Variants in EYA1 observed in about 807,000 individuals in gnomAD.
EYA1 encodes EYA transcriptional coactivator and phosphatase 1.
In EYA1, 16 loss-of-function variants were observed where a neutral mutation model predicts 82.0. The ratio of observed to expected loss-of-function variants is 0.20; its 90% CI spans 0.13 to 0.30. The LOEUF (loss-of-function observed/expected upper bound fraction) is 0.30, where lower values mean the gene tolerates loss of function less well. EYA1 is among the 10% of genes least tolerant of loss of function. The pLI, the probability that EYA1 is intolerant of heterozygous loss-of-function variation, is 1.00. For synonymous variants in EYA1, 261 were observed against 264.4 expected, an observed-to-expected ratio of 0.99 and a Z score of 0.12; for missense variants, 633 against 730.7, an observed-to-expected ratio of 0.87 and a Z score of 1.54.
intron 11 of EYA1, among the ~76,000 whole-genome samples, chr8:71,253,057 T>C (rs1018185983): frequency 4.6e-5 from 7 of 152,192 alleles, no homozygotes; most frequent in Admixed American, 4.6e-4. Flanking sequence ...GTAAAGTCCC[T>C]GAAATTTTTC....
intron 17 of EYA1, among the ~76,000 whole-genome samples, chr8:71,204,667 A>G (rs2380713): frequency 0.36 from 54,959 of 152,124 alleles, 10,556 homozygotes; most frequent in East Asian, 0.77. Flanking sequence ...AAAAGCAGGT[A>G]TGAAAAAAAG....
chr8:71,276,729 T>C (rs1817221883), intron 9 of EYA1, among the ~76,000 whole-genome samples: 1 of 152,196 alleles, frequency 6.6e-6, no homozygotes, highest in African/African-American at 2.4e-5. Context: ...AAGACCCTTC[T>C]GCTTCAGCCT....
At chr8:71,286,995 T>G (rs566067181) in intron 9 of EYA1, among the ~76,000 whole-genome samples, 1 of 151,776 alleles carries the variant, frequency 6.6e-6, no homozygotes, top group African/African-American at 2.4e-5. Context: ...AGAGACAGGG[T>G]TTCATCATCT....
intron 2 of EYA1, among the ~76,000 whole-genome samples, chr8:71,485,069 A>C (rs949785563): frequency 6.6e-6 from 1 of 152,240 alleles, no homozygotes. Flanking sequence ...GGAGGATCTG[A>C]CTGACTAATG....
chr8:71,284,800 C>T (rs1209908738), intron 9 of EYA1, among the ~76,000 whole-genome samples: 1 of 152,178 alleles, frequency 6.6e-6, no homozygotes, highest in East Asian at 1.9e-4. Context: ...AAATAAATAT[C>T]CCTTCCCTAT....
Position 71,322,236 on chromosome 8 carries a change from T to C in EYA1, c.235A>G (p.Thr79Ala), listed in dbSNP as rs1554550645. 7.4e-6 allele frequency: 12 copies of C among 1,613,880 alleles called. No homozygotes were observed. The highest frequency in any genetic ancestry group is 8.5e-6 in the Non-Finnish European group (10 of 1,179,950). The change falls in exon 5 of 18, where the codon ACT becomes GCT. Residue 79 changes from threonine (T) to alanine (A), a missense_variant. Thr to Ala is a moderately conservative substitution (Grantham distance 58, BLOSUM62 0). Transcript: ENST00000340726. Reference protein sequence around the residue: ...IGSSSFSPRPTHQFSPPQIYP... With the variant: ...IGSSSFSPRPAHQFSPPQIYP... ...ATCTGTGGTGGAGAGAACTGGTGAG[T>C]TGGTCGTGGGCTGAAACTACTGCTC...
chr8:71,291,648 C>T (rs1043185166), intron 9 of EYA1, among the ~76,000 whole-genome samples: 1 of 152,156 alleles, frequency 6.6e-6, no homozygotes, highest in South Asian at 2.1e-4. Context: ...CTTTGTCCCT[C>T]ACTGCTTTAT....
chr8:71,476,924 A>T (rs1330440708), intron 2 of EYA1, among the ~76,000 whole-genome samples: 2 of 152,152 alleles, frequency 1.3e-5, no homozygotes, highest in African/African-American at 2.4e-5. Flanking sequence ...ACACACCCAC[A>T]CATCTAGGTC....
intron 4 of EYA1, 132 bp downstream of exon 4, chr8:71,333,965 A>T (rs569763045): frequency 3.0e-5 from 21 of 693,306 alleles, no homozygotes; most frequent in African/African-American, 2.7e-4. Context: ...TTATATGTAT[A>T]TATACATAAG....
chr8:71,486,223 C>A (rs1281665061), intron 2 of EYA1, among the ~76,000 whole-genome samples: 1 of 152,086 alleles, frequency 6.6e-6, no homozygotes, highest in Admixed American at 6.6e-5. Context: ...ACTATGCAAC[C>A]ACTGTGTTTT....
rs545925584 is a variant in EYA1 at position 71,294,322 on chromosome 8, G to A, written c.826+4725C>T. Among the ~76,000 whole-genome samples the A allele has an allele frequency of 2.6e-5, 4 of 152,128 alleles. No homozygotes were observed. The South Asian group carries it at 6.2e-4, about 24-fold the overall frequency. On this transcript the variant is annotated intron_variant, in intron 9 of 17. Transcript: ENST00000340726. ...AAAATACAAAAAATTAGCCGGGCGTGGTAGCGGGCGCCTGTAGTCCCAGCT... is the reference window on the plus strand; with the variant it reads ...AAAATACAAAAAATTAGCCGGGCGTAGTAGCGGGCGCCTGTAGTCCCAGCT...
chr8:71,422,667 A>C (rs967305129), intron 2 of EYA1, among the ~76,000 whole-genome samples: 1 of 152,140 alleles, frequency 6.6e-6, no homozygotes, highest in African/African-American at 2.4e-5. Flanking sequence ...GGAAATTTGC[A>C]ATTATGGCAG....
intron 2 of EYA1, among the ~76,000 whole-genome samples, chr8:71,406,613 G>T (rs772026622): frequency 1.3e-5 from 2 of 152,196 alleles, no homozygotes; most frequent in Non-Finnish European, 1.5e-5. Context: ...AAGGGGTGAC[G>T]GATGCACCTG....
At chr8:71,256,186 G>C (rs1423980068) in intron 11 of EYA1, among the ~76,000 whole-genome samples, 2 of 152,070 alleles carry the variant, frequency 1.3e-5, no homozygotes, top group Admixed American at 1.3e-4. Context: ...ATTACTATAT[G>C]ATCCCACAAT....
intron 2 of EYA1, among the ~76,000 whole-genome samples, chr8:71,452,398 G>A (rs1347529510): frequency 1.3e-5 from 2 of 152,226 alleles, no homozygotes; most frequent in Non-Finnish European, 2.9e-5. Flanking sequence ...AAATGTCCCT[G>A]TCTAATAGCT....
chr8:71,290,361 T>C (rs1818864535), intron 9 of EYA1, among the ~76,000 whole-genome samples: 1 of 152,194 alleles, frequency 6.6e-6, no homozygotes, highest in African/African-American at 2.4e-5. Context: ...CTGATATGTG[T>C]TGGTCCCATA....
At chr8:71,367,191 CAA>C (rs766731308) in intron 2 of EYA1, among the ~76,000 whole-genome samples, 4 of 151,950 alleles carry the variant, frequency 2.6e-5, no homozygotes, top group African/African-American at 7.2e-5. Context: ...AAAGGAAAAG[CAA>C]AGAGTCTGAG....
chr8:71,249,123 C>A (rs1341038018), intron 11 of EYA1, among the ~76,000 whole-genome samples: 1 of 152,156 alleles, frequency 6.6e-6, no homozygotes, highest in African/African-American at 2.4e-5. Context: ...CAAATGTTCT[C>A]ATTCTTTTCA....
intron 2 of EYA1, among the ~76,000 whole-genome samples, chr8:71,427,246 C>T (rs1476659230): frequency 3.9e-5 from 6 of 152,138 alleles, no homozygotes; most frequent in African/African-American, 9.7e-5. Context: ...GGAGTTTACA[C>T]GAGGCAAGCC....
Sources: allele counts gnomAD v4.1 joint callset (sites outside exome capture counted in the v4.1 genomes callset), GRCh38; gene constraint gnomAD v4.1.1; transcripts MANE v1.5; gene names NCBI Gene and HGNC (gene_info 2026-07-23, HGNC 2026-07-21).